Variants in SPAG16 observed in about 807,000 individuals in gnomAD.
SPAG16 encodes sperm-associated antigen 16 protein.
SPAG16 carries 86 observed loss-of-function variants against 80.4 expected under a neutral mutation model. The ratio of observed to expected loss-of-function variants is 1.07; its 90% confidence interval spans 0.90 to 1.28. The LOEUF is 1.28. SPAG16 is among the 50% of genes most tolerant of loss of function. The probability of loss-of-function intolerance (pLI) is 0.00; values close to 1 mark genes in which losing one functional copy is unlikely to be tolerated. For synonymous variants in SPAG16, 294 were observed against 265.9 expected (o/e 1.11, Z -1.03); for missense variants, 870 against 765.3 (o/e 1.14, Z -1.61).
chr2:214,336,155 C>T (rs2126021054), intron 15 of SPAG16, among the ~76,000 whole-genome samples: 1 of 152,234 alleles, frequency 6.6e-6, no homozygotes, highest in Admixed American at 6.5e-5. Flanking sequence ...GGAAGGAAGA[C>T]AATATTAAAA....
chr2:213,949,179 T>TTTTTTTTTTGTTTTGTTTTTTTTTG (rs1553677667), intron 12 of SPAG16, among the ~76,000 whole-genome samples: 2 of 36,244 alleles, frequency 5.5e-5, no homozygotes, highest in African/African-American at 1.6e-4. Flanking sequence ...GTTTTTTTTT[T>TTTTTTTTTTGTTTTGTTTTTTTTTG]TTTTTTTTTT....
At chr2:213,697,523 T>A (rs2065210740) in intron 10 of SPAG16, among the ~76,000 whole-genome samples, 1 of 152,226 alleles carries the variant, frequency 6.6e-6, no homozygotes, top group Non-Finnish European at 1.5e-5. Context: ...TTGAAGATTT[T>A]GAGTACATGA....
At chr2:214,064,132 A>C (rs774555173) in intron 13 of SPAG16, among the ~76,000 whole-genome samples, 1 of 152,172 alleles carries the variant, frequency 6.6e-6, no homozygotes, top group Non-Finnish European at 1.5e-5. Context: ...TTATTATTTC[A>C]AAACGTGTCT....
At chr2:213,527,133 C>A (rs1020817338) in intron 10 of SPAG16, among the ~76,000 whole-genome samples, 1 of 152,142 alleles carries the variant, frequency 6.6e-6, no homozygotes, top group Non-Finnish European at 1.5e-5. Context: ...TTGCCTCCTG[C>A]CAAGGAGGAT....
intron 10 of SPAG16, among the ~76,000 whole-genome samples, chr2:213,699,259 C>T (rs2065296178): frequency 6.6e-6 from 1 of 152,134 alleles, no homozygotes; most frequent in African/African-American, 2.4e-5. Context: ...TTCTCCTTCT[C>T]CTCCACCTTT....
At chr2:214,256,318 T>C (rs112702065) in intron 15 of SPAG16, among the ~76,000 whole-genome samples, 21 of 152,022 alleles carry the variant, frequency 1.4e-4, no homozygotes, top group African/African-American at 4.3e-4. Flanking sequence ...TGCTGAGCAG[T>C]AGAACTTAGT....
intron 10 of SPAG16, among the ~76,000 whole-genome samples, chr2:213,778,259 T>C (rs545427293): frequency 6.6e-6 from 1 of 152,300 alleles, no homozygotes; most frequent in South Asian, 2.1e-4. Context: ...GTTTAACATA[T>C]ATACTTAACT....
In SPAG16 at chr2:214,108,899, T is replaced by C. The variant is rs75928622; in HGVS notation, c.1593+638T>C. Among the ~76,000 whole-genome samples, 535 of 152,324 alleles carry C rather than the reference T, an allele frequency of 3.5e-3. 3 individuals are homozygous for C. Among genetic ancestry groups the C allele is most frequent in the Middle Eastern group, 0.017 (5 of 294 alleles). On this transcript the variant is annotated intron_variant, in intron 14 of 15. Transcript: ENST00000331683. Reference sequence around the variant, plus strand: ...TTGTTGGAGAGTCCTTTGAGTTTTCTGTGGTTTGAATGTATCCCTCCAAGT... The same window carrying C: ...TTGTTGGAGAGTCCTTTGAGTTTTCCGTGGTTTGAATGTATCCCTCCAAGT...
chr2:213,359,515 G>A (rs1252398048), intron 7 of SPAG16, among the ~76,000 whole-genome samples: 2 of 152,168 alleles, frequency 1.3e-5, no homozygotes, highest in African/African-American at 2.4e-5. Context: ...CTGCAGCCTC[G>A]CAGGTCAATC....
intron 10 of SPAG16, among the ~76,000 whole-genome samples, chr2:213,850,576 C>A (rs931728743): frequency 1.3e-5 from 2 of 152,140 alleles, no homozygotes; most frequent in Admixed American, 6.5e-5. Context: ...GAGTACAGGG[C>A]AGGACCTCTC....
intron 11 of SPAG16, among the ~76,000 whole-genome samples, chr2:213,870,397 T>C (rs2075901575): frequency 1.3e-5 from 2 of 152,182 alleles, no homozygotes; most frequent in Admixed American, 1.3e-4. Flanking sequence ...TTATGTATTA[T>C]GTATTATAGA....
At chr2:213,572,827 C>T (rs1178876459) in intron 10 of SPAG16, among the ~76,000 whole-genome samples, 2 of 152,160 alleles carry the variant, frequency 1.3e-5, no homozygotes, top group South Asian at 4.1e-4. Context: ...GCGGGCGCCC[C>T]TCCCCCAGCC....
intron 15 of SPAG16, among the ~76,000 whole-genome samples, chr2:214,151,119 A>G (rs2055954645): frequency 6.6e-6 from 1 of 152,094 alleles, no homozygotes; most frequent in African/African-American, 2.4e-5. Context: ...ACATACCATA[A>G]TAAATTTTAG....
intron 10 of SPAG16, among the ~76,000 whole-genome samples, chr2:213,809,689 T>G (rs751920056): frequency 3.9e-5 from 6 of 152,012 alleles, no homozygotes; most frequent in Non-Finnish European, 7.4e-5. Flanking sequence ...AAAGAGAAGC[T>G]AAGAAAAAGT....
At chr2:214,071,977 AAATT>A (rs1324718714) in intron 13 of SPAG16, among the ~76,000 whole-genome samples, 2 of 152,192 alleles carry the variant, frequency 1.3e-5, no homozygotes, top group Admixed American at 6.5e-5. Flanking sequence ...GTTTCAAAAT[AAATT>A]AATCATAAAT....
chr2:213,425,759 G>T (rs139775477), intron 9 of SPAG16, among the ~76,000 whole-genome samples: 21 of 151,658 alleles, frequency 1.4e-4, no homozygotes, highest in Non-Finnish European at 2.9e-4. Context: ...CATTTTATGA[G>T]ATTTCTCAGT....
At chr2:214,383,002 A>C in intron 15 of SPAG16, among the ~76,000 whole-genome samples, 7 of 147,636 alleles carry the variant, frequency 4.7e-5, no homozygotes, top group Admixed American at 2.7e-4. Context: ...CCCCTGCCTC[A>C]CTCTCCTGTC....
intron 10 of SPAG16, among the ~76,000 whole-genome samples, chr2:213,685,114 G>A (rs2064598883): frequency 6.6e-6 from 1 of 152,196 alleles, no homozygotes; most frequent in Admixed American, 6.5e-5. Flanking sequence ...AAGACCCTTT[G>A]GCAAGAAGGA....
intron 15 of SPAG16, among the ~76,000 whole-genome samples, chr2:214,183,718 T>C (rs968407358): frequency 6.6e-6 from 1 of 152,038 alleles, no homozygotes; most frequent in African/African-American, 2.4e-5. Flanking sequence ...AAACCTGTCC[T>C]GGCTGATAAT....
Sources: allele counts gnomAD v4.1 joint callset (sites outside exome capture counted in the v4.1 genomes callset), GRCh38; gene constraint gnomAD v4.1.1; transcripts MANE v1.5; gene names NCBI Gene and HGNC (gene_info 2026-07-23, HGNC 2026-07-21).